The following ASIC2 variants were observed in gnomAD, a reference collection of about 807,000 sequenced individuals.
ASIC2 encodes the protein acid-sensing ion channel 2.
Under a neutral mutation model 57.3 loss-of-function variants are expected in ASIC2, and 25 were observed. That is an observed-to-expected ratio of 0.44 (90% CI 0.32 to 0.61). The LOEUF is 0.61. Among genes scored for constraint, ASIC2 ranks in the 20% least tolerant of loss-of-function variants. The pLI is 0.06. For synonymous variants in ASIC2, 319 were observed against 307.5 expected (o/e 1.04, Z -0.39); for missense variants, 641 against 738.1 (o/e 0.87, Z 1.52).
At chr17:34,123,432 C>T (rs911394384) in intron 1 of ASIC2, among the ~76,000 whole-genome samples, 23 of 152,264 alleles carry the variant, frequency 1.5e-4, no homozygotes, top group South Asian at 6.2e-4. Context: ...GGGAGAGGGG[C>T]CAGACTCCTG....
intron 1 of ASIC2, among the ~76,000 whole-genome samples, chr17:33,160,761 C>G (rs1369501574): frequency 6.6e-6 from 1 of 152,074 alleles, no homozygotes. Flanking sequence ...TGACAGGTTC[C>G]AAACAGACTG....
chr17:33,556,441 A>C (rs1203977642), intron 1 of ASIC2, among the ~76,000 whole-genome samples: 1 of 152,190 alleles, frequency 6.6e-6, no homozygotes, highest in South Asian at 2.1e-4. Context: ...GTTACAGTTG[A>C]TTTCTTTCCT....
chr17:33,177,872 G>A (rs1905821886), intron 1 of ASIC2, among the ~76,000 whole-genome samples: 1 of 152,162 alleles, frequency 6.6e-6, no homozygotes. Flanking sequence ...AAGGGGGCTG[G>A]TCTAGTCGTC....
chr17:33,929,044 A>C (rs1012278009), intron 1 of ASIC2, among the ~76,000 whole-genome samples: 4 of 152,058 alleles, frequency 2.6e-5, no homozygotes, highest in African/African-American at 7.2e-5. Context: ...CTCAAACCAG[A>C]TAGCACTGCC....
At chr17:33,110,673 A>G (rs989807372) in intron 2 of ASIC2, among the ~76,000 whole-genome samples, 1 of 152,194 alleles carries the variant, frequency 6.6e-6, no homozygotes, top group Non-Finnish European at 1.5e-5. Flanking sequence ...GTTTGCAGTC[A>G]GTCCTCCTGG....
At chr17:34,149,098 T>C (rs1567616526) in intron 1 of ASIC2, among the ~76,000 whole-genome samples, 1 of 144,556 alleles carries the variant, frequency 6.9e-6, no homozygotes, top group Non-Finnish European at 1.5e-5. Flanking sequence ...TTTTTCTTTT[T>C]TCTTTTTTTT....
chr17:33,161,539 A>T (rs975442211), intron 1 of ASIC2, among the ~76,000 whole-genome samples: 4 of 152,178 alleles, frequency 2.6e-5, no homozygotes, highest in Non-Finnish European at 5.9e-5. Context: ...TCTTTAATGC[A>T]CTTATCCATT....
intron 1 of ASIC2, among the ~76,000 whole-genome samples, chr17:33,953,502 A>AGG (rs1904642302): frequency 6.6e-6 from 1 of 152,188 alleles, no homozygotes; most frequent in South Asian, 2.1e-4. Context: ...ACATATCACA[A>AGG]TAGACCAGAT....
intron 1 of ASIC2, among the ~76,000 whole-genome samples, chr17:33,285,964 G>A (rs1289967454): frequency 4.6e-5 from 7 of 152,146 alleles, no homozygotes; most frequent in Non-Finnish European, 8.8e-5. Flanking sequence ...CATTTCCTGA[G>A]TGCTTACTTA....
chr17:33,579,478 G>A (rs960870536), intron 1 of ASIC2, among the ~76,000 whole-genome samples: 1 of 152,104 alleles, frequency 6.6e-6, no homozygotes, highest in Non-Finnish European at 1.5e-5. Flanking sequence ...AACATTCATT[G>A]AGAATCACGT....
intron 1 of ASIC2, among the ~76,000 whole-genome samples, chr17:33,776,479 G>C (rs56207999): frequency 0.081 from 12,337 of 152,226 alleles, 573 homozygotes; most frequent in East Asian, 0.22. Flanking sequence ...TCTGTTTCAG[G>C]AGTCCGAACA....
intron 1 of ASIC2, among the ~76,000 whole-genome samples, chr17:33,439,257 G>A (rs1485923346): frequency 1.3e-5 from 2 of 152,232 alleles, no homozygotes; most frequent in African/African-American, 4.8e-5. Context: ...AAGCCACTCG[G>A]AGTGAAAGGG....
chr17:33,964,403 A>G (rs1905017657), intron 1 of ASIC2, among the ~76,000 whole-genome samples: 1 of 152,224 alleles, frequency 6.6e-6, no homozygotes, highest in Non-Finnish European at 1.5e-5. Flanking sequence ...TTGGCCTGGC[A>G]AGAACACTCA....
At chr17:33,431,030 G>C (rs1273224185) in intron 1 of ASIC2, among the ~76,000 whole-genome samples, 1 of 152,122 alleles carries the variant, frequency 6.6e-6, no homozygotes, top group East Asian at 1.9e-4. Context: ...GATGCAGAGG[G>C]GGGCAGCAAG....
intron 1 of ASIC2, among the ~76,000 whole-genome samples, chr17:33,445,878 G>C (rs1478530822): frequency 6.6e-6 from 1 of 151,398 alleles, no homozygotes; most frequent in Non-Finnish European, 1.5e-5. Flanking sequence ...TACTGTATGT[G>C]AAATCATGTT....
At chr17:33,353,368 G>T (rs1251693758) in intron 1 of ASIC2, among the ~76,000 whole-genome samples, 1 of 152,046 alleles carries the variant, frequency 6.6e-6, no homozygotes, top group Admixed American at 6.6e-5. Context: ...ACAGGGTCTT[G>T]CTCTGTCACC....
intron 1 of ASIC2, among the ~76,000 whole-genome samples, chr17:33,500,858 G>A (rs1373604351): frequency 6.6e-6 from 1 of 152,240 alleles, no homozygotes; most frequent in Non-Finnish European, 1.5e-5. Context: ...GCCCAGTGCT[G>A]GAAAGGGCCT....
intron 1 of ASIC2, among the ~76,000 whole-genome samples, chr17:33,325,022 G>T (rs974742394): frequency 6.6e-6 from 1 of 152,138 alleles, no homozygotes; most frequent in Non-Finnish European, 1.5e-5. Context: ...ACTTCTTTCC[G>T]GGCTCTGTGC....
chr17:33,081,927 T>A (rs1160690977), intron 3 of ASIC2, among the ~76,000 whole-genome samples: 2 of 152,204 alleles, frequency 1.3e-5, no homozygotes, highest in African/African-American at 4.8e-5. Context: ...TAAGTATTCT[T>A]ATTTGCCTTT....
Sources: allele counts gnomAD v4.1 joint callset (sites outside exome capture counted in the v4.1 genomes callset), GRCh38; gene constraint gnomAD v4.1.1; transcripts MANE v1.5; gene names NCBI Gene and HGNC (gene_info 2026-07-23, HGNC 2026-07-21).